The following KAT2B variants were observed in gnomAD, a reference collection of about 807,000 sequenced individuals.
The protein encoded by KAT2B is lysine acetyltransferase 2B.
A neutral mutation model predicts 105.9 loss-of-function variants in KAT2B; 36 were observed. That is an observed-to-expected ratio of 0.34 (90% CI 0.26 to 0.45). The LOEUF is 0.45. Ranked by LOEUF, KAT2B falls within the 20% of genes least tolerant of loss-of-function variation. The pLI, the probability that KAT2B is intolerant of heterozygous loss-of-function variation, is 1.00. For missense variants in KAT2B, 820 were observed against 1,021.6 expected, an observed-to-expected ratio of 0.80 and a Z score of 2.69; for synonymous variants, 397 against 377.9, an observed-to-expected ratio of 1.05 and a Z score of -0.59.
intron 1 of KAT2B, among the ~76,000 whole-genome samples, chr3:20,057,759 A>T (rs1698025979): frequency 6.6e-6 from 1 of 152,156 alleles, no homozygotes; most frequent in Non-Finnish European, 1.5e-5. Flanking sequence ...GGTCACTCGG[A>T]TGTAATGAAG....
chr3:20,066,662 A>G (rs62243098), intron 1 of KAT2B, among the ~76,000 whole-genome samples: 1 of 151,854 alleles, frequency 6.6e-6, no homozygotes, highest in Non-Finnish European at 1.5e-5. Flanking sequence ...CGGCATCCCA[A>G]AGTGCTGGGA....
chr3:20,087,391 A>G (rs1698639519), intron 2 of KAT2B, among the ~76,000 whole-genome samples: 1 of 152,042 alleles, frequency 6.6e-6, no homozygotes, highest in East Asian at 1.9e-4. Context: ...TTAATTGACA[A>G]ATAAAAATGT....
At chr3:20,059,977 A>G (rs1483431880) in intron 1 of KAT2B, among the ~76,000 whole-genome samples, 1 of 152,190 alleles carries the variant, frequency 6.6e-6, no homozygotes, top group African/African-American at 2.4e-5. Flanking sequence ...AAATGGAAGT[A>G]TACAGTATGT....
At chr3:20,050,738 C>G (rs1403002408) in intron 1 of KAT2B, among the ~76,000 whole-genome samples, 2 of 148,710 alleles carry the variant, frequency 1.3e-5, no homozygotes, top group African/African-American at 5.0e-5. Context: ...GAGTCTCGCT[C>G]TGTCACCCAG....
chr3:20,079,351 C>T (rs1029373299), intron 2 of KAT2B, among the ~76,000 whole-genome samples: 5 of 151,864 alleles, frequency 3.3e-5, no homozygotes, highest in Admixed American at 2.0e-4. Flanking sequence ...ATTACAGGCA[C>T]CCACCACCAT....
intron 8 of KAT2B, among the ~76,000 whole-genome samples, chr3:20,121,730 ATATGTG>A (rs1343223321): frequency 0.01 from 942 of 92,554 alleles, 13 homozygotes; most frequent in South Asian, 0.049. Flanking sequence ...ACACATATGC[ATATGTG>A]TGTGTGTGTG....
At chr3:20,122,520 C>A (rs1212587003) in intron 8 of KAT2B, 148 bp from the exon 9 acceptor site, 1 of 556,288 alleles carries the variant, frequency 1.8e-6, no homozygotes. Context: ...GGCTCTCTTT[C>A]CTGTCTTCCT....
Position 20,152,524 on chromosome 3 carries a change from G to A in KAT2B, c.2498G>A (p.Ter833=), listed in dbSNP as rs1461841275. 6.2e-7 allele frequency: 1 copy of A among 1,610,972 alleles called. No homozygotes were observed. Among genetic ancestry groups the A allele is most frequent in the African/African-American group, 1.3e-5 (1 of 74,794 alleles). The change falls in exon 18 of 18, where the codon TGA becomes TAA. Residue 833 remains the stop codon, a stop_retained_variant. Coordinates refer to ENST00000263754, the MANE Select transcript of KAT2B (RefSeq NM_003884.5). ...AAGGAAGCTGGATTAATTGACAAGT[G>A]ATTTTTTTTCCCCTCTGCTTCTTAG... The part of the protein sequence containing the change: ...KIKEAGLIDK[*]
At chr3:20,071,946 C>T (rs1260916532) in intron 1 of KAT2B, among the ~76,000 whole-genome samples, 1 of 152,142 alleles carries the variant, frequency 6.6e-6, no homozygotes, top group Non-Finnish European at 1.5e-5. Context: ...CAAGGCTCAA[C>T]CTTAGCCTAG....
At chr3:20,060,283 A>C (rs976360912) in intron 1 of KAT2B, among the ~76,000 whole-genome samples, 1 of 152,160 alleles carries the variant, frequency 6.6e-6, no homozygotes, top group African/African-American at 2.4e-5. Flanking sequence ...TTTATGTTTA[A>C]CTTTTTGAAA....
chr3:20,081,886 T>G (rs1331567300), intron 2 of KAT2B, among the ~76,000 whole-genome samples: 1 of 148,148 alleles, frequency 6.8e-6, no homozygotes, highest in African/African-American at 2.5e-5. Flanking sequence ...CTCATATATA[T>G]ATATGTATAA....
At chr3:20,140,155 C>T in intron 12 of KAT2B, 66 bp from the exon 13 acceptor site, 1 of 1,012,690 alleles carries the variant, frequency 9.9e-7, no homozygotes, top group Non-Finnish European at 1.5e-6. Flanking sequence ...GTGCCTGGAA[C>T]ATAGTTAGCA....
intron 1 of KAT2B, among the ~76,000 whole-genome samples, chr3:20,070,458 C>T (rs370902258): frequency 6.6e-6 from 1 of 151,500 alleles, no homozygotes; most frequent in Non-Finnish European, 1.5e-5. Context: ...GCGCCTGCCA[C>T]CACGCCCGGC....
At chr3:20,099,525 C>T (rs1041855769) in intron 3 of KAT2B, among the ~76,000 whole-genome samples, 1 of 152,108 alleles carries the variant, frequency 6.6e-6, no homozygotes, top group African/African-American at 2.4e-5. Context: ...AAGCCAGAAA[C>T]AGTGGGGAGA....
At position 20,154,270 on chromosome 3, in the gene KAT2B, A is replaced by G. The variant is rs1699913725; in HGVS notation, c.*1745A>G. Reference sequence around the variant, plus strand: ...TAAAAATTAATATTTTCTTATAGATATTGTGCAATAAAGCTGAAGTAGAAT... The same window carrying G: ...TAAAAATTAATATTTTCTTATAGATGTTGTGCAATAAAGCTGAAGTAGAAT... On this transcript the variant is annotated 3_prime_UTR_variant, in exon 18 of 18. Coordinates refer to ENST00000263754, the MANE Select transcript of KAT2B (RefSeq NM_003884.5). 1 of 152,634 alleles carries G rather than the reference A, an allele frequency of 6.6e-6. No homozygotes were observed. The highest frequency in any genetic ancestry group is 1.9e-4 in the East Asian group (1 of 5,202). 9.5% of individuals were successfully genotyped at this position (152,634 alleles called of 1,614,324 possible).
At chr3:20,135,804 T>A (rs1699590500) in intron 11 of KAT2B, among the ~76,000 whole-genome samples, 1 of 152,158 alleles carries the variant, frequency 6.6e-6, no homozygotes, top group Non-Finnish European at 1.5e-5. Context: ...CTTCAAAGGC[T>A]TGAAGGGCTG....
intron 10 of KAT2B, among the ~76,000 whole-genome samples, chr3:20,126,338 A>G (rs13097409): frequency 0.11 from 16,597 of 152,148 alleles, 1,176 homozygotes; most frequent in Admixed American, 0.16. Context: ...TATATTTTAC[A>G]TTGCTGATGA....
intron 11 of KAT2B, among the ~76,000 whole-genome samples, chr3:20,128,145 C>G (rs981631916): frequency 6.6e-6 from 1 of 152,140 alleles, no homozygotes; most frequent in Non-Finnish European, 1.5e-5. Context: ...GGATACTGTA[C>G]AAGTTCAATA....
chr3:20,076,795 G>A (rs1485663865), intron 2 of KAT2B, among the ~76,000 whole-genome samples: 1 of 152,156 alleles, frequency 6.6e-6, no homozygotes, highest in Non-Finnish European at 1.5e-5. Context: ...TAGGAATTAC[G>A]CAAGCCTGAA....
Sources: allele counts gnomAD v4.1 joint callset (sites outside exome capture counted in the v4.1 genomes callset), GRCh38; gene constraint gnomAD v4.1.1; transcripts MANE v1.5; gene names NCBI Gene and HGNC (gene_info 2026-07-23, HGNC 2026-07-21).